Variants in KMT2C observed in about 807,000 individuals in gnomAD.
KMT2C encodes lysine methyltransferase 2C.
In KMT2C, 88 loss-of-function variants were observed where a neutral mutation model predicts 507.9. The ratio of observed to expected loss-of-function variants is 0.17; its 90% CI spans 0.15 to 0.21. The LOEUF is 0.21. Ranked by LOEUF, KMT2C falls within the 10% of genes least tolerant of loss-of-function variation. The pLI, the probability that KMT2C is intolerant of heterozygous loss-of-function variation, is 1.00. For synonymous variants in KMT2C, 2,049 were observed against 2,080.8 expected (o/e 0.98, Z 0.42); for missense variants, 4,954 against 5,957.8 (o/e 0.83, Z 5.55).
chr7:152,312,514 C>T (rs1589120243), intron 4 of KMT2C, among the ~76,000 whole-genome samples: 1 of 152,188 alleles, frequency 6.6e-6, no homozygotes, highest in East Asian at 1.9e-4. Context: ...CAAATCTCAA[C>T]AGCTGGTCTG....
At chr7:152,369,417 CTGTT>C (rs1044313119) in intron 1 of KMT2C, among the ~76,000 whole-genome samples, 9 of 151,808 alleles carry the variant, frequency 5.9e-5, no homozygotes, top group Admixed American at 3.9e-4. Context: ...CAAAATCTGA[CTGTT>C]TGTAAAGATC....
At chr7:152,209,895 A>T (rs963386205) in intron 23 of KMT2C, among the ~76,000 whole-genome samples, 1 of 152,216 alleles carries the variant, frequency 6.6e-6, no homozygotes, top group African/African-American at 2.4e-5. Flanking sequence ...ACCTTTGGAA[A>T]TAAGTGGGAG....
intron 50 of KMT2C, 115 bp downstream of exon 50, chr7:152,151,327 C>G: frequency 9.2e-7 from 1 of 1,081,260 alleles, no homozygotes; most frequent in Non-Finnish European, 1.3e-6. Context: ...TCACCAGGAA[C>G]ATGTGTCCAT....
At chr7:152,223,717 C>T (rs2094844210) in intron 20 of KMT2C, among the ~76,000 whole-genome samples, 1 of 152,080 alleles carries the variant, frequency 6.6e-6, no homozygotes, top group African/African-American at 2.4e-5. Flanking sequence ...TCGCTTGAAC[C>T]CAGGAGGCGG....
intron 1 of KMT2C, among the ~76,000 whole-genome samples, chr7:152,391,690 C>T (rs1013757139): frequency 1.3e-5 from 2 of 152,166 alleles, no homozygotes; most frequent in South Asian, 4.1e-4. Context: ...GCACACACCA[C>T]CACACCGGGC....
At chr7:152,234,243 G>A (rs189067676) in intron 16 of KMT2C, among the ~76,000 whole-genome samples, 34 of 152,114 alleles carry the variant, frequency 2.2e-4, no homozygotes, top group Admixed American at 8.5e-4. Context: ...TTAGCCAGGC[G>A]TGGTGGCAGG....
At chr7:152,373,071 C>A (rs1415829097) in intron 1 of KMT2C, among the ~76,000 whole-genome samples, 1 of 151,950 alleles carries the variant, frequency 6.6e-6, no homozygotes, top group East Asian at 1.9e-4. Flanking sequence ...CTAGAAAATT[C>A]ATAAAGAAAT....
Position 152,181,870 on chromosome 7 carries a change from C to T in KMT2C, c.5990G>A (p.Gly1997Asp), listed in dbSNP as rs766793648. 15 of 1,613,964 alleles carry T rather than the reference C, an allele frequency of 9.3e-6. No homozygotes were observed. Among genetic ancestry groups the T allele is most frequent in the African/African-American group, 1.3e-5 (1 of 74,900 alleles). The change falls in exon 36 of 59, where the codon GGC (glycine) becomes GAC (aspartate). Residue 1997 changes from glycine to aspartate, a missense_variant. Around this residue, in one of 29 missense-constraint regions of KMT2C, gnomAD observed 1,689 missense variants for 1,654.3 expected, o/e 1.02. Coordinates refer to ENST00000262189, the MANE Select transcript of KMT2C (RefSeq NM_170606.3). ...ATCACTGGTTCCAGCTGCTATAGGG[C>T]CTTTTGCAGTTTGTTCTGAAACTAC... is the stretch of plus-strand genomic sequence containing the variant. ...SPVVSEQTAKGPIAAGTSDHF... is the reference protein window; with the variant it reads ...SPVVSEQTAKDPIAAGTSDHF...
intron 6 of KMT2C, among the ~76,000 whole-genome samples, chr7:152,279,973 T>C (rs1346635630): frequency 6.6e-6 from 1 of 152,302 alleles, no homozygotes; most frequent in African/African-American, 2.4e-5. Context: ...GCAAGGATAA[T>C]GCCATTAATA....
chr7:152,334,786 C>T (rs1006122029), intron 2 of KMT2C, among the ~76,000 whole-genome samples: 1 of 152,174 alleles, frequency 6.6e-6, no homozygotes, highest in Non-Finnish European at 1.5e-5. Context: ...AAACCTGGGT[C>T]AACAAACAAT....
intron 6 of KMT2C, among the ~76,000 whole-genome samples, chr7:152,302,561 T>C (rs1323201800): frequency 1.3e-5 from 2 of 151,826 alleles, no homozygotes; most frequent in Admixed American, 6.6e-5. Flanking sequence ...AAATATACAT[T>C]GGGGGTTTAT....
chr7:152,252,501 TA>T, intron 10 of KMT2C, 44 bp downstream of exon 10: 3 of 1,521,558 alleles, frequency 2.0e-6, no homozygotes, highest in Non-Finnish European at 2.7e-6. Flanking sequence ...ACCACATGAA[TA>T]AAACAATCGA....
chr7:152,227,392 G>A (rs1237621296), intron 18 of KMT2C, among the ~76,000 whole-genome samples: 4 of 152,118 alleles, frequency 2.6e-5, no homozygotes, highest in African/African-American at 9.7e-5. Flanking sequence ...AATCTAATAC[G>A]GATACACGCT....
chr7:152,193,169 G>C (rs770824789), intron 31 of KMT2C, among the ~76,000 whole-genome samples: 1 of 152,084 alleles, frequency 6.6e-6, no homozygotes, highest in Non-Finnish European at 1.5e-5. Flanking sequence ...GAGCGAGACC[G>C]TTTCAAAACA....
chr7:152,343,320 A>G (rs1374669617), intron 2 of KMT2C, among the ~76,000 whole-genome samples: 2 of 152,128 alleles, frequency 1.3e-5, no homozygotes, highest in East Asian at 3.8e-4. Flanking sequence ...TTTTTTTAAA[A>G]CTAACAGAAA....
At chr7:152,385,720 T>C (rs1384369093) in intron 1 of KMT2C, among the ~76,000 whole-genome samples, 2 of 149,816 alleles carry the variant, frequency 1.3e-5, no homozygotes, top group Non-Finnish European at 3.0e-5. Context: ...TTTTTAAGTA[T>C]GATGGTGGTA....
chr7:152,256,479 T>C (rs1330628858), intron 9 of KMT2C, among the ~76,000 whole-genome samples: 8 of 152,098 alleles, frequency 5.3e-5, no homozygotes, highest in Admixed American at 5.2e-4. Flanking sequence ...GGAAGACTGC[T>C]TGAGCCCAGG....
intron 6 of KMT2C, among the ~76,000 whole-genome samples, chr7:152,308,374 T>C (rs1420764099): frequency 6.6e-6 from 1 of 151,984 alleles, no homozygotes; most frequent in Non-Finnish European, 1.5e-5. Context: ...CTCCCAAATA[T>C]ACTTGTTAAA....
Position 152,138,935 on chromosome 7 carries a change from G to C in KMT2C, c.14535-31C>G. On this transcript the variant is annotated intron_variant, in intron 57 of 58. Transcript: ENST00000262189. This position sits in a 1 kb window ranked among gnomAD's most constrained non-coding sequence, Gnocchi z 4.2. ...AGCCACCATGTCAGAAAACTGTATT[G>C]TAAAACAGCTAGAAGCAGCTTTAAA... The C allele has an allele frequency of 6.6e-7, 1 of 1,511,274 alleles. No individual in the cohort carries two copies. Among genetic ancestry groups the C allele is most frequent in the Non-Finnish European group, 9.2e-7 (1 of 1,086,358 alleles). 93.6% of individuals were successfully genotyped at this position (1,511,274 alleles called of 1,614,324 possible).
Sources: gnomAD v4.1 joint callset for allele counts (sites outside exome capture counted in the v4.1 genomes callset) on GRCh38, gnomAD v4.1.1 for gene constraint, gnomAD v4.1.1 regional missense constraint, Gnocchi (gnomAD v3.1) non-coding constraint, MANE v1.5 for transcripts, NCBI Gene and HGNC (gene_info 2026-07-23, HGNC 2026-07-21) for gene names.